The following ZFAND3 variants were observed in gnomAD, a reference collection of about 807,000 sequenced individuals.
ZFAND3 encodes AN1-type zinc finger protein 3.
Under a neutral mutation model 29.6 loss-of-function variants are expected in ZFAND3, and 10 were observed. That is an observed-to-expected ratio of 0.34 (90% CI 0.21 to 0.57). ZFAND3 has a LOEUF of 0.57. Among genes scored for constraint, ZFAND3 ranks in the 20% least tolerant of loss-of-function variants. The pLI is 0.86. For synonymous variants in ZFAND3, 128 were observed against 112.6 expected, an observed-to-expected ratio of 1.14 and a Z score of -0.87; for missense variants, 230 against 304.5, an observed-to-expected ratio of 0.76 and a Z score of 1.82.
At chr6:38,059,049 T>C (rs893498310) in intron 2 of ZFAND3, among the ~76,000 whole-genome samples, 1 of 152,238 alleles carries the variant, frequency 6.6e-6, no homozygotes. Context: ...TGAATTGATA[T>C]AATAAACTAT....
At chr6:38,063,155 T>A (rs1764275832) in intron 3 of ZFAND3, among the ~76,000 whole-genome samples, 1 of 152,214 alleles carries the variant, frequency 6.6e-6, no homozygotes, top group South Asian at 2.1e-4. Context: ...TAGGTTAGAA[T>A]GTTCTGTGTT....
At chr6:37,854,776 CT>C (rs199864679) in intron 1 of ZFAND3, among the ~76,000 whole-genome samples, 1,634 of 80,476 alleles carry the variant, frequency 0.02, 19 homozygotes, top group Non-Finnish European at 0.025. Context: ...CCCCCCCCCC[CT>C]TTTTTTTTAA....
chr6:37,996,117 G>A (rs1294652221), intron 2 of ZFAND3, among the ~76,000 whole-genome samples: 7 of 147,630 alleles, frequency 4.7e-5, no homozygotes, highest in East Asian at 4.1e-4. Flanking sequence ...CTACAAGAGC[G>A]AAACTCCATT....
At chr6:38,056,127 T>G (rs1227761311) in intron 2 of ZFAND3, among the ~76,000 whole-genome samples, 1 of 152,226 alleles carries the variant, frequency 6.6e-6, no homozygotes, top group Non-Finnish European at 1.5e-5. Flanking sequence ...TGATATAACT[T>G]AAGGAAGCTC....
At chr6:38,113,242 G>A (rs1477792479) in intron 4 of ZFAND3, among the ~76,000 whole-genome samples, 1 of 152,164 alleles carries the variant, frequency 6.6e-6, no homozygotes, top group African/African-American at 2.4e-5. Context: ...CAGACTTCCT[G>A]TACATGGATG....
At chr6:38,019,116 C>T (rs1296940856) in intron 2 of ZFAND3, among the ~76,000 whole-genome samples, 2 of 152,084 alleles carry the variant, frequency 1.3e-5, no homozygotes, top group African/African-American at 2.4e-5. Context: ...TCTGCCACTA[C>T]GCCCAGCTGA....
At chr6:38,107,607 G>A (rs1581923592) in intron 4 of ZFAND3, among the ~76,000 whole-genome samples, 2 of 152,138 alleles carry the variant, frequency 1.3e-5, no homozygotes, top group South Asian at 2.1e-4. Flanking sequence ...CGAGGTGGGC[G>A]GATTACCTCA....
chr6:38,084,569 G>T (rs1764723347), intron 4 of ZFAND3, among the ~76,000 whole-genome samples: 1 of 152,152 alleles, frequency 6.6e-6, no homozygotes, highest in Non-Finnish European at 1.5e-5. Context: ...AGAAGTACTG[G>T]CATTCTTTGC....
chr6:37,856,020 T>TC (rs1764375701), intron 1 of ZFAND3, among the ~76,000 whole-genome samples: 1 of 152,014 alleles, frequency 6.6e-6, no homozygotes, highest in African/African-American at 2.4e-5. Context: ...GTTTTTTTTT[T>TC]TTCTTCTTCT....
intron 2 of ZFAND3, among the ~76,000 whole-genome samples, chr6:38,053,058 A>G (rs1174679140): frequency 1.3e-5 from 2 of 151,888 alleles, no homozygotes; most frequent in Non-Finnish European, 2.9e-5. Context: ...AGAAAAAGAA[A>G]AAAAAAATAG....
chr6:37,868,125 A>G (rs1219091299), intron 1 of ZFAND3, among the ~76,000 whole-genome samples: 3 of 152,138 alleles, frequency 2.0e-5, no homozygotes, highest in Non-Finnish European at 4.4e-5. Context: ...TAATTTGATG[A>G]GTTTTTTCCT....
intron 2 of ZFAND3, among the ~76,000 whole-genome samples, chr6:37,939,512 A>G (rs191977903): frequency 6.0e-4 from 91 of 152,224 alleles, no homozygotes; most frequent in Admixed American, 2.7e-3. Context: ...ACATTCACAG[A>G]TTCTGGGTGG....
At chr6:38,066,577 A>G (rs1398227949) in intron 3 of ZFAND3, among the ~76,000 whole-genome samples, 1 of 152,214 alleles carries the variant, frequency 6.6e-6, no homozygotes, top group East Asian at 1.9e-4. Context: ...TATTGCATAG[A>G]GCTAGAAGTG....
intron 5 of ZFAND3, among the ~76,000 whole-genome samples, chr6:38,133,960 A>G (rs566428666): frequency 1.3e-5 from 2 of 152,316 alleles, no homozygotes; most frequent in East Asian, 3.9e-4. Context: ...GTAACTGTCC[A>G]TATTTTCAAC....
chr6:37,953,802 C>T (rs952562999), intron 2 of ZFAND3, among the ~76,000 whole-genome samples: 1 of 152,084 alleles, frequency 6.6e-6, no homozygotes, highest in African/African-American at 2.4e-5. Flanking sequence ...ATCATATGTA[C>T]TTGTCTATTT....
rs745968291 is a variant in ZFAND3 at position 38,118,379 on chromosome 6, CAG to C, written c.529+1641_529+1642del. ...TTGCTTTGGTCTTCATGTGAACTCT[CAG>C]GGAATTTGAGCAGTTCAGTCTGTTA... is the stretch of plus-strand genomic sequence containing the variant. On this transcript the variant is annotated intron_variant, in intron 5 of 5. Coordinates refer to ENST00000287218, the MANE Select transcript of ZFAND3 (RefSeq NM_021943.3). 2.0e-5 allele frequency among the ~76,000 whole-genome samples: 3 copies of C among 152,228 alleles called. No homozygotes were observed. The East Asian group carries it at 5.8e-4, about 29-fold the overall frequency.
intron 1 of ZFAND3, among the ~76,000 whole-genome samples, chr6:37,898,470 T>G (rs1765259928): frequency 6.6e-6 from 1 of 152,254 alleles, no homozygotes; most frequent in Non-Finnish European, 1.5e-5. Flanking sequence ...TCTTCATGAT[T>G]GTCTTAGCTA....
At chr6:37,886,755 G>A (rs1483639559) in intron 1 of ZFAND3, among the ~76,000 whole-genome samples, 1 of 152,200 alleles carries the variant, frequency 6.6e-6, no homozygotes. Flanking sequence ...GATACTTTGG[G>A]AGGCCAAGGT....
intron 1 of ZFAND3, among the ~76,000 whole-genome samples, chr6:37,916,133 G>T (rs1268001930): frequency 2.0e-5 from 3 of 150,696 alleles, no homozygotes; most frequent in African/African-American, 7.3e-5. Flanking sequence ...CATAGTTTAT[G>T]GTGTCCCAAA....
Sources: gnomAD v4.1 joint callset for allele counts (sites outside exome capture counted in the v4.1 genomes callset) on GRCh38, gnomAD v4.1.1 for gene constraint, MANE v1.5 for transcripts, NCBI Gene and HGNC (gene_info 2026-07-23, HGNC 2026-07-21) for gene names.